The following BOC variants were observed in gnomAD, a reference collection of about 807,000 sequenced individuals.
The protein encoded by BOC is BOC cell adhesion associated, oncogene regulated.
BOC carries 76 observed loss-of-function variants against 112.0 expected under a neutral mutation model. That is an observed-to-expected ratio of 0.68 (90% CI 0.56 to 0.82). The LOEUF is 0.82. Among genes scored for constraint, BOC ranks in the 40% least tolerant of loss-of-function variants. The pLI is 0.00. For synonymous variants in BOC, 580 were observed against 599.8 expected (o/e 0.97, Z 0.48); for missense variants, 1,309 against 1,511.7 (o/e 0.87, Z 2.22).
At chr3:113,280,385 A>G (rs565570219) in intron 13 of BOC, among the ~76,000 whole-genome samples, 173 bp from the exon 14 acceptor site, 1 of 152,308 alleles carries the variant, frequency 6.6e-6, no homozygotes, top group East Asian at 1.9e-4. Flanking sequence ...AATAATGAGT[A>G]ATCTTTACAA....
At chr3:113,240,298 T>G (rs1252047513) in intron 2 of BOC, among the ~76,000 whole-genome samples, 2 of 152,228 alleles carry the variant, frequency 1.3e-5, no homozygotes, top group Non-Finnish European at 2.9e-5. Flanking sequence ...TTTAGCAGTT[T>G]CAGCTGACTT....
intron 19 of BOC, among the ~76,000 whole-genome samples, chr3:113,286,330 G>C (rs1013279107): frequency 3.3e-5 from 5 of 152,172 alleles, no homozygotes; most frequent in Non-Finnish European, 7.4e-5. Context: ...ATTGTAACCA[G>C]AAGCCATAGC....
chr3:113,278,047 G>C lies in BOC; in HGVS notation c.1543-48G>C, dbSNP rs183877996. Reference sequence around the variant, plus strand: ...TTTCTTTGTAAACCATAGCCCACTCGTAGCCCGAGGCTGAGATGCCGGTCT... The same window carrying C: ...TTTCTTTGTAAACCATAGCCCACTCCTAGCCCGAGGCTGAGATGCCGGTCT... On this transcript the variant is annotated intron_variant, in intron 9 of 19. Transcript: ENST00000682979. This position sits in a 1 kb window ranked among gnomAD's most constrained non-coding sequence, Gnocchi z 4.2. 1 of 1,607,080 alleles carries C rather than the reference G, an allele frequency of 6.2e-7. No individual in the cohort carries two copies. The highest frequency in any genetic ancestry group is 8.5e-7 in the Non-Finnish European group (1 of 1,174,792).
chr3:113,267,987 T>C (rs1004914275), intron 4 of BOC, among the ~76,000 whole-genome samples: 1 of 152,142 alleles, frequency 6.6e-6, no homozygotes, highest in African/African-American at 2.4e-5. Flanking sequence ...TTCTGGGGTG[T>C]AAGCAGAGCC....
At chr3:113,250,053 T>G (rs1945416614) in intron 3 of BOC, among the ~76,000 whole-genome samples, 154 bp downstream of exon 3, 1 of 152,194 alleles carries the variant, frequency 6.6e-6, no homozygotes. Flanking sequence ...AGATGAGACA[T>G]GATCACAACA....
intron 4 of BOC, among the ~76,000 whole-genome samples, chr3:113,260,707 C>A (rs1269126106): frequency 7.2e-6 from 1 of 139,034 alleles, no homozygotes; most frequent in Non-Finnish European, 1.5e-5. Context: ...CAGAACAGAA[C>A]AGAACAGAAC....
At chr3:113,283,344 TTTC>T in intron 15 of BOC, 64 bp from the exon 16 acceptor site, 2 of 1,473,758 alleles carry the variant, frequency 1.4e-6, no homozygotes, top group African/African-American at 2.8e-5. Context: ...GGTATTTTTT[TTTC>T]TATTTGTTGT....
chr3:113,238,683 T>C (rs371863843), intron 2 of BOC, among the ~76,000 whole-genome samples: 24 of 152,334 alleles, frequency 1.6e-4, no homozygotes, highest in African/African-American at 5.5e-4. Flanking sequence ...CTGGTTCAAA[T>C]CCTCACCCTG....
intron 4 of BOC, 96 bp from the exon 5 acceptor site, chr3:113,268,203 T>C: frequency 6.5e-7 from 1 of 1,538,876 alleles, no homozygotes; most frequent in Non-Finnish European, 8.8e-7. Flanking sequence ...GGTGTGAGCT[T>C]TGTCATGACT....
Position 113,274,304 on chromosome 3 carries a change from C to T in BOC, c.1235-71C>T. 2 of 1,419,304 alleles carry T rather than the reference C, an allele frequency of 1.4e-6. No individual in the cohort carries two copies. The highest frequency in any genetic ancestry group is 1.9e-6 in the Non-Finnish European group (2 of 1,071,358). 87.9% of individuals were successfully genotyped at this position (1,419,304 alleles called of 1,614,324 possible). ...CCTCTCTGTCTTCTTTCTGTTTTCT[C>T]CCCAGGAACAACAGCTCAGCAGGTA... On this transcript the variant is annotated intron_variant, in intron 8 of 19. Coordinates refer to ENST00000682979, the MANE Select transcript of BOC (RefSeq NM_001378074.1). The surrounding 1 kb of genome is among the most constrained non-coding windows in gnomAD (Gnocchi z 4.8).
At chr3:113,234,858 G>A (rs1339256278) in intron 2 of BOC, among the ~76,000 whole-genome samples, 2 of 152,196 alleles carry the variant, frequency 1.3e-5, no homozygotes, top group African/African-American at 2.4e-5. Context: ...CTGTGGTTCC[G>A]TATGTGTTGC....
chr3:113,227,054 C>T (rs745770963), intron 2 of BOC, among the ~76,000 whole-genome samples: 138 of 152,314 alleles, frequency 9.1e-4, no homozygotes, highest in Admixed American at 2.1e-3. Flanking sequence ...ATATAATCTC[C>T]TTAGAAGAGT....
At chr3:113,221,908 G>A (rs1940749787) in intron 2 of BOC, among the ~76,000 whole-genome samples, 1 of 152,020 alleles carries the variant, frequency 6.6e-6, no homozygotes, top group South Asian at 2.1e-4. Context: ...AGCCATGTTA[G>A]CCTCCTGATT....
intron 2 of BOC, among the ~76,000 whole-genome samples, chr3:113,245,745 A>G (rs114643489): frequency 6.6e-5 from 10 of 152,302 alleles, no homozygotes; most frequent in Non-Finnish European, 1.5e-4. Flanking sequence ...TTGCCACTTG[A>G]AGAATGTTTT....
chr3:113,222,335 T>C (rs1269204187), intron 2 of BOC, among the ~76,000 whole-genome samples: 1 of 152,214 alleles, frequency 6.6e-6, no homozygotes, highest in Non-Finnish European at 1.5e-5. Flanking sequence ...TCAAAAGCGA[T>C]GTAATAGGAG....
At chr3:113,216,128 C>A in intron 1 of BOC, 59 bp from the exon 2 acceptor site, 1 of 406,932 alleles carries the variant, frequency 2.5e-6, no homozygotes, top group South Asian at 1.8e-5. Flanking sequence ...TTGTAAAAAG[C>A]AAATACTTCA....
rs530331263 is a variant in BOC at position 113,264,947 on chromosome 3, C to T, written c.377-3352C>T. On this transcript the variant is annotated intron_variant, in intron 4 of 19. Transcript: ENST00000682979. Reference sequence around the variant, plus strand: ...GCTGGATGTCCAGCTGGGGTGCCCTCGGTCCTGCCTGCACAGGCTGTTGTG... The same window carrying T: ...GCTGGATGTCCAGCTGGGGTGCCCTTGGTCCTGCCTGCACAGGCTGTTGTG... Among the ~76,000 whole-genome samples, 11 of 152,294 alleles carry T rather than the reference C, an allele frequency of 7.2e-5. No homozygotes were observed. The South Asian group carries it at 1.7e-3, about 23-fold the overall frequency.
At position 113,257,154 on chromosome 3, in the gene BOC, A is replaced by G. The variant is rs111578050; in HGVS notation, c.376+6321A>G. ...TTTGGAGACAATGTGAAGAAATTAG[A>G]TTCTCCCTAAGTCCAGCTCCCAGAA... On this transcript the variant is annotated intron_variant, in intron 4 of 19. Coordinates refer to ENST00000682979, the MANE Select transcript of BOC (RefSeq NM_001378074.1). Among the ~76,000 whole-genome samples the G allele has an allele frequency of 8.9e-3, 1,362 of 152,342 alleles. 21 individuals are homozygous for G. The highest frequency in any genetic ancestry group is 0.03 in the African/African-American group (1,266 of 41,566).
At chr3:113,245,415 T>A (rs1944792975) in intron 2 of BOC, among the ~76,000 whole-genome samples, 1 of 152,172 alleles carries the variant, frequency 6.6e-6, no homozygotes, top group Non-Finnish European at 1.5e-5. Context: ...CTCCTAAGTC[T>A]ATCTAAACTC....
Sources: gnomAD v4.1 joint callset for allele counts (sites outside exome capture counted in the v4.1 genomes callset) on GRCh38, gnomAD v4.1.1 for gene constraint, Gnocchi (gnomAD v3.1) non-coding constraint, MANE v1.5 for transcripts, NCBI Gene and HGNC (gene_info 2026-07-23, HGNC 2026-07-21) for gene names.